DCC: variants seen among roughly 807,000 people sequenced by gnomAD.
DCC encodes the protein netrin receptor DCC.
A neutral mutation model predicts 172.5 loss-of-function variants in DCC; 58 were observed. The ratio of observed to expected loss-of-function variants is 0.34; its 90% CI spans 0.27 to 0.42. DCC has a LOEUF of 0.42. Ranked by LOEUF, DCC falls within the 10% of genes least tolerant of loss-of-function variation. DCC has a pLI of 1.00. For missense variants in DCC, 1,740 were observed against 1,791.0 expected (o/e 0.97, Z 0.51); for synonymous variants, 709 against 644.5 (o/e 1.10, Z -1.52).
rs1182169819 is a variant in DCC at position 53,464,650 on chromosome 18, CACACAG to C, written c.3620-3239_3620-3234del. Among the ~76,000 whole-genome samples the C allele has an allele frequency of 4.0e-5, 6 of 151,590 alleles. No individual in the cohort carries two copies. The East Asian group carries it at 7.7e-4, about 20-fold the overall frequency. On this transcript the variant is annotated intron_variant, in intron 24 of 28. Coordinates refer to ENST00000442544, the MANE Select transcript of DCC (RefSeq NM_005215.4). ...AATAAAAAAAAAAACTGAAAACCCA[CACACAG>C]ACACCCAACAATATCAAAGGACTTA...
intron 12 of DCC, among the ~76,000 whole-genome samples, chr18:53,228,781 A>G (rs1029498487): frequency 1.3e-5 from 2 of 152,182 alleles, no homozygotes; most frequent in African/African-American, 2.4e-5. Flanking sequence ...AACTTTAAGG[A>G]ACATAACAAT....
intron 2 of DCC, among the ~76,000 whole-genome samples, chr18:52,896,635 T>C (rs185615648): frequency 2.2e-3 from 333 of 152,314 alleles, no homozygotes; most frequent in Non-Finnish European, 3.3e-3. Flanking sequence ...ATAGATATTA[T>C]AATATAGCTT....
intron 2 of DCC, among the ~76,000 whole-genome samples, chr18:52,807,510 C>A (rs1231807157): frequency 1.4e-5 from 2 of 140,648 alleles, no homozygotes; most frequent in Non-Finnish European, 3.1e-5. Flanking sequence ...AAAATAATGA[C>A]AGCAATATTG....
chr18:52,389,917 G>A (rs1292591221), intron 1 of DCC, among the ~76,000 whole-genome samples: 10 of 152,032 alleles, frequency 6.6e-5, no homozygotes. Context: ...AAACTATTAA[G>A]TACTAACCTT....
chr18:52,387,192 A>G (rs932861577), intron 1 of DCC, among the ~76,000 whole-genome samples: 15 of 152,184 alleles, frequency 9.9e-5, no homozygotes, highest in African/African-American at 3.6e-4. Context: ...TGTCTAATGT[A>G]CTAAGCAGTG....
chr18:52,437,332 C>T (rs1987828851), intron 1 of DCC, among the ~76,000 whole-genome samples: 1 of 152,114 alleles, frequency 6.6e-6, no homozygotes, highest in Non-Finnish European at 1.5e-5. Flanking sequence ...AGAGGACACA[C>T]TGGGGCTCTC....
At chr18:52,887,937 G>T (rs992376836) in intron 2 of DCC, among the ~76,000 whole-genome samples, 2 of 152,040 alleles carry the variant, frequency 1.3e-5, no homozygotes, top group African/African-American at 4.8e-5. Context: ...ATTTTGGCAG[G>T]GGGAAACTGG....
chr18:52,518,631 A>G (rs1171178683), intron 1 of DCC, among the ~76,000 whole-genome samples: 1 of 152,192 alleles, frequency 6.6e-6, no homozygotes, highest in Non-Finnish European at 1.5e-5. Context: ...ATCTGAATAC[A>G]TGTGAAATGA....
At chr18:52,572,611 C>A (rs9966385) in intron 1 of DCC, among the ~76,000 whole-genome samples, 2 of 151,928 alleles carry the variant, frequency 1.3e-5, no homozygotes, top group Non-Finnish European at 2.9e-5. Context: ...GCTTTGAAGG[C>A]GTGCTAAGGG....
intron 12 of DCC, among the ~76,000 whole-genome samples, chr18:53,268,988 T>C (rs1179193077): frequency 6.6e-6 from 1 of 152,186 alleles, no homozygotes; most frequent in Non-Finnish European, 1.5e-5. Flanking sequence ...GAGGAAAGAA[T>C]ATTGTCCATT....
intron 1 of DCC, among the ~76,000 whole-genome samples, chr18:52,492,017 G>T (rs936454301): frequency 6.6e-6 from 1 of 151,928 alleles, no homozygotes; most frequent in East Asian, 1.9e-4. Flanking sequence ...GTGATTAGAT[G>T]TTAGGGGAAA....
At chr18:52,842,509 T>TG (rs1230475049) in intron 2 of DCC, among the ~76,000 whole-genome samples, 1 of 152,158 alleles carries the variant, frequency 6.6e-6, no homozygotes, top group Admixed American at 6.5e-5. Flanking sequence ...CTAGCCCAAT[T>TG]GGGGAGGGTC....
intron 15 of DCC, among the ~76,000 whole-genome samples, chr18:53,357,572 C>T (rs1234046985): frequency 6.6e-6 from 1 of 152,226 alleles, no homozygotes; most frequent in African/African-American, 2.4e-5. Context: ...AAACAAAGTG[C>T]ATCATAAGTA....
chr18:52,832,451 T>TCAAG (rs1555670929), intron 2 of DCC, among the ~76,000 whole-genome samples: 1 of 151,922 alleles, frequency 6.6e-6, no homozygotes, highest in Non-Finnish European at 1.5e-5. Context: ...CTGTGCACCC[T>TCAAG]CAAAAACCCT....
At chr18:53,200,970 G>T (rs1265984845) in intron 9 of DCC, among the ~76,000 whole-genome samples, 1 of 152,096 alleles carries the variant, frequency 6.6e-6, no homozygotes. Flanking sequence ...CAGCAAATTT[G>T]CCACCTACTA....
At chr18:52,443,969 G>C (rs957889400) in intron 1 of DCC, among the ~76,000 whole-genome samples, 7 of 152,184 alleles carry the variant, frequency 4.6e-5, no homozygotes, top group Non-Finnish European at 7.3e-5. Context: ...AGATAACTTT[G>C]AGGCAGTAGA....
At position 52,687,459 on chromosome 18, in the gene DCC, A is replaced by AT. The variant is rs368706667; in HGVS notation, c.92-64590dup. On this transcript the variant is annotated intron_variant, in intron 1 of 28. Coordinates refer to ENST00000442544, the MANE Select transcript of DCC (RefSeq NM_005215.4). The stretch of plus-strand genomic sequence containing the variant: ...GCCACCATGCCCAGCTAATTTTTGT[A>AT]TTTTTAGTAAAGACAAGGTTTCACC... 3.8e-3 allele frequency among the ~76,000 whole-genome samples: 575 copies of AT among 151,744 alleles called. 7 individuals are homozygous for AT. Among genetic ancestry groups the AT allele is most frequent in the African/African-American group, 0.013 (545 of 41,404 alleles).
intron 5 of DCC, among the ~76,000 whole-genome samples, chr18:52,937,959 G>A (rs1215691705): frequency 1.3e-5 from 2 of 152,082 alleles, no homozygotes; most frequent in African/African-American, 4.8e-5. Context: ...CTGCAGAGTT[G>A]TTACCAAGAT....
At chr18:52,659,658 T>G (rs1276812035) in intron 1 of DCC, among the ~76,000 whole-genome samples, 2 of 152,220 alleles carry the variant, frequency 1.3e-5, no homozygotes, top group African/African-American at 4.8e-5. Context: ...AGCTTCCCAA[T>G]TATGTTTCAC....
Sources: gnomAD v4.1 joint callset for allele counts (sites outside exome capture counted in the v4.1 genomes callset) on GRCh38, gnomAD v4.1.1 for gene constraint, MANE v1.5 for transcripts, NCBI Gene and HGNC (gene_info 2026-07-23, HGNC 2026-07-21) for gene names.